RPS6KA6: variants seen among roughly 807,000 people sequenced by gnomAD.
RPS6KA6 encodes ribosomal protein S6 kinase alpha-6.
A neutral mutation model predicts 65.4 loss-of-function variants in RPS6KA6; 27 were observed. That is an observed-to-expected ratio of 0.41 (90% confidence interval 0.30 to 0.57). The LOEUF (loss-of-function observed/expected upper bound fraction) is 0.57, where lower values mean the gene tolerates loss of function less well. RPS6KA6 is among the 20% of genes least tolerant of loss of function. The pLI, the probability that RPS6KA6 is intolerant of heterozygous loss-of-function variation, is 0.24. For missense variants in RPS6KA6, 486 were observed against 555.6 expected, an observed-to-expected ratio of 0.87 and a Z score of 1.26; for synonymous variants, 190 against 184.2, an observed-to-expected ratio of 1.03 and a Z score of -0.26.
Position 84,106,507 on chromosome X carries a change from A to T in RPS6KA6, c.1243-20T>A. On this transcript the variant is annotated intron_variant, in intron 14 of 21. Coordinates refer to ENST00000262752, the MANE Select transcript of RPS6KA6 (RefSeq NM_014496.5). ...ATTTATCTGTTTATTTTTAAAAAGT[A>T]AAATACTAAGGAGAATGAAATATTT... 9.9e-7 allele frequency: 1 copy of T among 1,011,346 alleles called. No individual in the cohort carries two copies. Among genetic ancestry groups the T allele is most frequent in the South Asian group, 2.1e-5 (1 of 46,596 alleles). The allele number at this position is 1,011,346 out of a possible 1,213,427, so 83.3% of individuals were successfully genotyped here.
At chrX:84,182,041 TC>T (rs1251527507) in intron 1 of RPS6KA6, among the ~76,000 whole-genome samples, 37 of 59,197 alleles carry the variant, frequency 6.3e-4, no homozygotes, top group African/African-American at 3.3e-3. Context: ...TCTCTGTCTC[TC>T]TCTCTCTCTC....
At chrX:84,076,918 G>C (rs1002686654) in intron 20 of RPS6KA6, among the ~76,000 whole-genome samples, 1 of 111,294 alleles carries the variant, frequency 9.0e-6, no homozygotes, top group Non-Finnish European at 1.9e-5. Context: ...CATAAGTGAG[G>C]TTAGCAAGCT....
At chrX:84,079,158 C>CA (rs2033729615) in intron 20 of RPS6KA6, among the ~76,000 whole-genome samples, 1 of 110,768 alleles carries the variant, frequency 9.0e-6, no homozygotes, top group Admixed American at 9.6e-5. Context: ...GTACAGCCCA[C>CA]AGAGGGCGAG....
chrX:84,187,655 T>A (rs923948518), intron 1 of RPS6KA6, among the ~76,000 whole-genome samples, 164 bp downstream of exon 1: 2 of 111,568 alleles, frequency 1.8e-5, no homozygotes, highest in African/African-American at 6.5e-5. Flanking sequence ...CGCCGTCTCA[T>A]CCCCGCCCGC....
chrX:84,154,614 CCTACT>C (rs1261525881), intron 3 of RPS6KA6, among the ~76,000 whole-genome samples: 4 of 109,893 alleles, frequency 3.6e-5, no homozygotes, highest in African/African-American at 1.3e-4. Context: ...AATATACATG[CCTACT>C]CTACAGATCA....
intron 8 of RPS6KA6, among the ~76,000 whole-genome samples, chrX:84,122,313 C>T (rs896847090): frequency 8.3e-5 from 9 of 108,553 alleles, no homozygotes; most frequent in Non-Finnish European, 1.7e-4. Flanking sequence ...GTCATGCTGG[C>T]CTCAGCCAGC....
chrX:84,187,696 C>T lies in RPS6KA6; in HGVS notation c.81+123G>A, dbSNP rs1361167658. The T allele has an allele frequency of 6.2e-6, 4 of 644,739 alleles. No individual in the cohort carries two copies. The African/African-American group carries it at 9.1e-5, about 15-fold the overall frequency. The allele number at this position is 644,739 out of a possible 1,213,427, so 53.1% of individuals were successfully genotyped here. ...AGCGAAAGGGCAGTGGAGGCAGCATCAAGGGGGCTTGCCCGGGAGCCCGCT... is the reference window on the plus strand; with the variant it reads ...AGCGAAAGGGCAGTGGAGGCAGCATTAAGGGGGCTTGCCCGGGAGCCCGCT... On this transcript the variant is annotated intron_variant, in intron 1 of 21. Coordinates refer to ENST00000262752, the MANE Select transcript of RPS6KA6 (RefSeq NM_014496.5).
In RPS6KA6 at chrX:84,151,544, CAT is replaced by C. The variant is rs201823798; in HGVS notation, c.259-3423_259-3422del. On this transcript the variant is annotated intron_variant, in intron 3 of 21. Transcript: ENST00000262752. ...TACGAAATAAGCATATTTAGGTAAC[CAT>C]AGTTTATTGTCCTTTCAAGGAAAAG... 5.8e-3 allele frequency among the ~76,000 whole-genome samples: 642 copies of C among 110,302 alleles called. 5 individuals carry two copies. Among genetic ancestry groups the C allele is most frequent in the African/African-American group, 0.02 (594 of 30,404 alleles).
chrX:84,156,167 G>A lies in RPS6KA6; in HGVS notation c.166C>T (p.Pro56Ser). The change falls in exon 3 of 22, where the codon CCT becomes TCT. Residue 56 changes from proline (P) to serine (S), a missense_variant. By Grantham distance (74) the Pro-to-Ser change is moderately conservative (BLOSUM62 -1). Transcript: ENST00000262752. ...CCTTCCTTAACATGATGAGTAATAG[G>A]GATTTCTTTAACAACTCCTTCATCC... ...CHDEGVVKEIPITHHVKEGYE... is the reference protein window; with the variant it reads ...CHDEGVVKEISITHHVKEGYE... The A allele has an allele frequency of 1.7e-6, 2 of 1,159,072 alleles. No homozygotes were observed. Among genetic ancestry groups the A allele is most frequent in the East Asian group, 3.0e-5 (1 of 33,493 alleles).
At chrX:84,122,997 T>C (rs1352793559) in intron 8 of RPS6KA6, among the ~76,000 whole-genome samples, 1 of 111,855 alleles carries the variant, frequency 8.9e-6, no homozygotes. Flanking sequence ...ATCTTAGATA[T>C]CAGCTCAGCC....
intron 12 of RPS6KA6, among the ~76,000 whole-genome samples, chrX:84,110,917 T>C (rs758653107): frequency 9.4e-6 from 1 of 106,149 alleles, no homozygotes; most frequent in Admixed American, 1.0e-4. Context: ...CTCAATGAAA[T>C]CCAAAATAAA....
chrX:84,160,690 A>C (rs2147597634), intron 2 of RPS6KA6, among the ~76,000 whole-genome samples: 1 of 111,500 alleles, frequency 9.0e-6, no homozygotes, highest in African/African-American at 3.2e-5. Context: ...AGAATCATTT[A>C]GTTGTGGATT....
Position 84,134,774 on chromosome X carries a change from C to T in RPS6KA6, c.646+8G>A. On this transcript the variant is annotated splice_region_variant and intron_variant, in intron 8 of 21. Coordinates refer to ENST00000262752, the MANE Select transcript of RPS6KA6 (RefSeq NM_014496.5). ...GTGGCTAAGGGTATAATAAGAAAAT[C>T]TGCATACCTGTTAATTTGATATGTC... is the stretch of plus-strand genomic sequence containing the variant. 9.0e-7 allele frequency: 1 copy of T among 1,105,343 alleles called. No individual in the cohort carries two copies. 91.1% of individuals were successfully genotyped at this position (1,105,343 alleles called of 1,213,427 possible).
At chrX:84,163,411 G>A (rs1019443867) in intron 2 of RPS6KA6, among the ~76,000 whole-genome samples, 7 of 108,188 alleles carry the variant, frequency 6.5e-5, no homozygotes, top group African/African-American at 2.0e-4. Context: ...AGGCCGAGGC[G>A]GGTGGATCAT....
intron 16 of RPS6KA6, among the ~76,000 whole-genome samples, chrX:84,105,177 C>A (rs2034334381): frequency 9.0e-6 from 1 of 110,634 alleles, no homozygotes; most frequent in African/African-American, 3.3e-5. Context: ...ATGATAAACA[C>A]ACACACACAC....
chrX:84,119,046 C>T (rs969113877), intron 9 of RPS6KA6, among the ~76,000 whole-genome samples: 27 of 111,817 alleles, frequency 2.4e-4, no homozygotes, highest in African/African-American at 8.8e-4. Context: ...AAATTTTATC[C>T]ATCCTTCAGG....
At chrX:84,164,434 G>A (rs781698008) in intron 1 of RPS6KA6, 47 bp from the exon 2 acceptor site, 4 of 896,698 alleles carry the variant, frequency 4.5e-6, no homozygotes, top group Non-Finnish European at 4.8e-6. Context: ...ATTAAAACAA[G>A]AGTGATAACT....
intron 3 of RPS6KA6, among the ~76,000 whole-genome samples, chrX:84,153,823 C>G: frequency 9.0e-6 from 1 of 111,187 alleles, no homozygotes; most frequent in Non-Finnish European, 1.9e-5. Context: ...AAAAAGCCAC[C>G]TCCTTAATAT....
In RPS6KA6 at chrX:84,060,508, T is replaced by C. The variant is rs1451411196; in HGVS notation, c.*3769A>G. On this transcript the variant is annotated 3_prime_UTR_variant, in exon 22 of 22. Transcript: ENST00000262752. Reference sequence around the variant, plus strand: ...GGGGGGAATAAAACTTCTTATGCTATATAGGTCATGTACTGTGAGAAACAA... The same window carrying C: ...GGGGGGAATAAAACTTCTTATGCTACATAGGTCATGTACTGTGAGAAACAA... 3 of 108,858 alleles carry C rather than the reference T, an allele frequency of 2.8e-5. No individual in the cohort carries two copies. The highest frequency in any genetic ancestry group is 2.0e-4 in the Admixed American group (2 of 10,111). The allele number at this position is 108,858 out of a possible 1,213,427, so 9.0% of individuals were successfully genotyped here. A position where few individuals can be genotyped will look rare whatever the true frequency, so the allele number is the denominator to read the frequency against.
Sources: gnomAD v4.1 joint callset for allele counts (sites outside exome capture counted in the v4.1 genomes callset) on GRCh38, gnomAD v4.1.1 for gene constraint, MANE v1.5 for transcripts, NCBI Gene and HGNC (gene_info 2026-07-23, HGNC 2026-07-21) for gene names.